Variants in ZFYVE28 observed in about 807,000 individuals in gnomAD.
The protein encoded by ZFYVE28 is zinc finger FYVE-type containing 28.
ZFYVE28 carries 40 observed loss-of-function variants against 82.1 expected under a neutral mutation model. The observed-to-expected ratio is 0.49, with a 90% CI of 0.38 to 0.63. The LOEUF (loss-of-function observed/expected upper bound fraction) is 0.63. Among genes scored for constraint, ZFYVE28 ranks in the 30% least tolerant of loss-of-function variants. The probability of loss-of-function intolerance (pLI) is 0.00; values close to 1 mark genes in which losing one functional copy is unlikely to be tolerated. For missense variants in ZFYVE28, 1,321 were observed against 1,242.1 expected (o/e 1.06, Z -0.96); for synonymous variants, 612 against 546.1 (o/e 1.12, Z -1.68).
chr4:2,278,219 CTTTTT>C (rs58136968), intron 8 of ZFYVE28, among the ~76,000 whole-genome samples: 1 of 136,936 alleles, frequency 7.3e-6, no homozygotes, highest in Non-Finnish European at 1.6e-5. Context: ...AAGATTCTCT[CTTTTT>C]TTTTTTTTTT....
chr4:2,344,477 G>C (rs931152840), intron 2 of ZFYVE28, among the ~76,000 whole-genome samples: 21 of 152,174 alleles, frequency 1.4e-4, no homozygotes, highest in African/African-American at 5.1e-4. Flanking sequence ...TTAAAAATAA[G>C]ACCCAAAGGA....
intron 7 of ZFYVE28, among the ~76,000 whole-genome samples, chr4:2,307,409 T>A (rs1421185923): frequency 6.6e-6 from 1 of 152,202 alleles, no homozygotes; most frequent in Non-Finnish European, 1.5e-5. Flanking sequence ...TTTTTCTTTA[T>A]GATTAGTGCT....
chr4:2,339,771 A>G lies in ZFYVE28; in HGVS notation c.319-116T>C. ...GGCCCCTCTTCTCACCCCACAGCAC[A>G]GGCCAGCTCGTGTTCCCGGTCCCCG... On this transcript the variant is annotated intron_variant, in intron 3 of 12. Transcript: ENST00000290974. This position sits in a 1 kb window ranked among gnomAD's most constrained non-coding sequence, Gnocchi z 5.0. 3.4e-6 allele frequency: 3 copies of G among 892,084 alleles called. No individual in the cohort carries two copies. Among genetic ancestry groups the G allele is most frequent in the South Asian group, 1.7e-5 (1 of 57,210 alleles). The allele number at this position is 892,084 out of a possible 1,614,324, so 55.3% of individuals were successfully genotyped here.
At chr4:2,297,632 C>T (rs1204700883) in intron 8 of ZFYVE28, among the ~76,000 whole-genome samples, 3 of 152,236 alleles carry the variant, frequency 2.0e-5, no homozygotes, top group South Asian at 4.1e-4. Flanking sequence ...GCAAAGATGG[C>T]CAGGAACAGC....
At chr4:2,397,658 G>T (rs183528318) in intron 1 of ZFYVE28, among the ~76,000 whole-genome samples, 1 of 151,938 alleles carries the variant, frequency 6.6e-6, no homozygotes, top group East Asian at 1.9e-4. Context: ...ACCTCACGTC[G>T]GTGGAATCAG....
chr4:2,282,186 G>A (rs986513222), intron 8 of ZFYVE28, among the ~76,000 whole-genome samples: 1 of 152,220 alleles, frequency 6.6e-6, no homozygotes, highest in South Asian at 2.1e-4. Context: ...AGACACTCCC[G>A]CACCGGCTGC....
intron 7 of ZFYVE28, chr4:2,316,343 C>T (rs1052767904): frequency 2.6e-5 from 4 of 152,348 alleles, no homozygotes; most frequent in Admixed American, 1.3e-4. Flanking sequence ...CTTAAGCAAC[C>T]TGGTGGTTCC....
At chr4:2,321,405 A>T (rs567949038) in intron 6 of ZFYVE28, among the ~76,000 whole-genome samples, 1 of 152,228 alleles carries the variant, frequency 6.6e-6, no homozygotes, top group South Asian at 2.1e-4. Flanking sequence ...TCATGTGCAA[A>T]AAGAAGATTT....
chr4:2,273,344 G>A (rs558854110), intron 9 of ZFYVE28, 55 bp from the exon 10 acceptor site: 5 of 1,511,718 alleles, frequency 3.3e-6, no homozygotes, highest in South Asian at 1.2e-5. Flanking sequence ...AAGGAACTGC[G>A]GAGGTCGGTG....
chr4:2,305,005 C>G lies in ZFYVE28; in HGVS notation c.1335G>C (p.Ala445=), dbSNP rs773465828. The change falls in exon 8 of 13, where the codon GCG becomes GCC. Residue 445 remains alanine, a synonymous_variant. Coordinates refer to ENST00000290974, the MANE Select transcript of ZFYVE28 (RefSeq NM_020972.3). ...TTTCCGAGGCGGGCAAGCTGATCCC[C>G]GCCGCTCCGCCTGGCCCACCCTGCC... ...EKGQGGPGGA[A]GISLPASEKE... 6.2e-7 allele frequency: 1 copy of G among 1,612,754 alleles called. No homozygotes were observed. Among genetic ancestry groups the G allele is most frequent in the South Asian group, 1.1e-5 (1 of 91,078 alleles).
At chr4:2,395,425 T>C (rs1730334179) in intron 1 of ZFYVE28, among the ~76,000 whole-genome samples, 1 of 152,210 alleles carries the variant, frequency 6.6e-6, no homozygotes, top group Admixed American at 6.5e-5. Flanking sequence ...TTAGGCCCCT[T>C]CATAAGCCCC....
In ZFYVE28 at chr4:2,320,261, C is replaced by T; in HGVS notation, c.712G>A (p.Val238Ile). Residue 238 changes from valine to isoleucine, a missense_variant, in exon 7 of 13, where the codon GTC becomes ATC. Coordinates refer to ENST00000290974, the MANE Select transcript of ZFYVE28 (RefSeq NM_020972.3). This position sits in a 1 kb window ranked among gnomAD's most constrained non-coding sequence, Gnocchi z 5.1. Reference protein sequence around the residue: ...PRLAIVCGLVVYADGPLNLDR... With the variant: ...PRLAIVCGLVIYADGPLNLDR... ...AAGTTCAGAGGTCCGTCCGCATAGACCACGAGGCCACTGCATTTGAGACAC... is the reference window on the plus strand; with the variant it reads ...AAGTTCAGAGGTCCGTCCGCATAGATCACGAGGCCACTGCATTTGAGACAC... 6.2e-7 allele frequency: 1 copy of T among 1,613,982 alleles called. No individual in the cohort carries two copies. Among genetic ancestry groups the T allele is most frequent in the Non-Finnish European group, 8.5e-7 (1 of 1,179,946 alleles).
chr4:2,388,197 G>C (rs1729475734), intron 1 of ZFYVE28, among the ~76,000 whole-genome samples: 1 of 152,186 alleles, frequency 6.6e-6, no homozygotes, highest in South Asian at 2.1e-4. Context: ...TCAAAGCCGG[G>C]ACACAAATTC....
At position 2,396,675 on chromosome 4, in the gene ZFYVE28, A is replaced by C. The variant is rs867471652; in HGVS notation, c.39+21610T>G. Among the ~76,000 whole-genome samples the C allele has an allele frequency of 2.8e-3, 67 of 23,900 alleles. 15 individuals carry two copies. The highest frequency in any genetic ancestry group is 8.9e-3 in the African/African-American group (38 of 4,278). 15.7% of individuals were successfully genotyped at this position (23,900 alleles called of 152,430 possible). ...GGACCAGCCATCCTGCAGAGGGGCC[A>C]CAAGGCGGGGTGTCTGAGCTGATGG... On this transcript the variant is annotated intron_variant, in intron 1 of 12. Transcript: ENST00000290974.
At chr4:2,347,884 A>G (rs1723819034) in intron 2 of ZFYVE28, among the ~76,000 whole-genome samples, 1 of 152,126 alleles carries the variant, frequency 6.6e-6, no homozygotes, top group Admixed American at 6.5e-5. Context: ...TTTTAAGTCT[A>G]CTACATAAAA....
intron 7 of ZFYVE28, among the ~76,000 whole-genome samples, chr4:2,308,194 A>G (rs1475178): frequency 6.6e-6 from 1 of 152,010 alleles, no homozygotes; most frequent in African/African-American, 2.4e-5. Flanking sequence ...AACACAGCTC[A>G]CCGTAGCCTC....
intron 8 of ZFYVE28, among the ~76,000 whole-genome samples, chr4:2,303,779 C>G (rs572894946): frequency 9.8e-5 from 15 of 152,316 alleles, no homozygotes; most frequent in Admixed American, 4.6e-4. Flanking sequence ...CCCTCATGGC[C>G]CCAGTCTCCG....
At chr4:2,288,804 C>A (rs1713157690) in intron 8 of ZFYVE28, among the ~76,000 whole-genome samples, 1 of 151,434 alleles carries the variant, frequency 6.6e-6, no homozygotes, top group South Asian at 2.1e-4. Flanking sequence ...ACAGTGAGAC[C>A]CTGTCTCTAC....
intron 8 of ZFYVE28, among the ~76,000 whole-genome samples, chr4:2,297,176 C>A (rs1175959822): frequency 3.9e-5 from 6 of 152,262 alleles, no homozygotes; most frequent in African/African-American, 9.6e-5. Context: ...CCAGCTACAA[C>A]CTGCCCTCCT....
Sources: gnomAD v4.1 joint callset for allele counts (sites outside exome capture counted in the v4.1 genomes callset) on GRCh38, gnomAD v4.1.1 for gene constraint, Gnocchi (gnomAD v3.1) non-coding constraint, MANE v1.5 for transcripts, NCBI Gene and HGNC (gene_info 2026-07-23, HGNC 2026-07-21) for gene names.